The following GNB5 variants were observed in gnomAD, a reference collection of about 807,000 sequenced individuals.
GNB5 encodes the protein G protein subunit beta 5, also known as guanine nucleotide-binding protein subunit beta-5.
GNB5 carries 37 observed loss-of-function variants against 55.3 expected under a neutral mutation model. The ratio of observed to expected loss-of-function variants is 0.67; its 90% confidence interval spans 0.51 to 0.88. The LOEUF (loss-of-function observed/expected upper bound fraction) is 0.88. GNB5 is among the 40% of genes least tolerant of loss of function. The pLI is 0.00. For missense variants in GNB5, 476 were observed against 515.3 expected (o/e 0.92, Z 0.74); for synonymous variants, 219 against 198.5 (o/e 1.10, Z -0.87).
intron 3 of GNB5, among the ~76,000 whole-genome samples, chr15:52,178,220 G>A (rs1195320345): frequency 6.6e-6 from 1 of 152,180 alleles, no homozygotes; most frequent in African/African-American, 2.4e-5. Context: ...CACTTAGCAG[G>A]GGACCTTCGG....
At position 52,117,679 on chromosome 15, in the gene GNB5, G is replaced by C. The variant is rs1160739305; in HGVS notation, c.*5078C>G. On this transcript the variant is annotated 3_prime_UTR_variant, in exon 13 of 13. Coordinates refer to ENST00000261837, the MANE Select transcript of GNB5 (RefSeq NM_016194.4). ...AGGAGTCTGTGGTATGTCTGGAAGA[G>C]TGACCCAATTCTCTCCGGTCACGGA... 2.0e-5 allele frequency: 3 copies of C among 152,382 alleles called. No homozygotes were observed. Among genetic ancestry groups the C allele is most frequent in the Non-Finnish European group, 4.4e-5 (3 of 68,156 alleles). The allele number at this position is 152,382 out of a possible 1,614,324, so 9.4% of individuals were successfully genotyped here.
At chr15:52,187,708 G>A (rs2034865114) in intron 1 of GNB5, among the ~76,000 whole-genome samples, 1 of 152,170 alleles carries the variant, frequency 6.6e-6, no homozygotes, top group Non-Finnish European at 1.5e-5. Context: ...CAGCACTTTG[G>A]GAGGCCAAGG....
intron 3 of GNB5, among the ~76,000 whole-genome samples, chr15:52,167,441 G>A (rs1313549192): frequency 5.3e-5 from 8 of 152,074 alleles, no homozygotes; most frequent in African/African-American, 1.4e-4. Flanking sequence ...AGGCTGAGGC[G>A]GGTGGATCAC....
intron 4 of GNB5, among the ~76,000 whole-genome samples, chr15:52,153,487 A>C (rs1287454212): frequency 6.6e-6 from 1 of 152,214 alleles, no homozygotes; most frequent in Admixed American, 6.5e-5. Flanking sequence ...TAGATAACTA[A>C]TAAATAATAT....
rs527548623 is a variant in GNB5, at chr15:52,156,719, C to T, written c.239-2643G>A. Among the ~76,000 whole-genome samples the T allele has an allele frequency of 7.2e-5, 11 of 152,278 alleles. No individual in the cohort carries two copies. In the South Asian group the frequency reaches 1.0e-3, roughly 14 times the overall value. On this transcript the variant is annotated intron_variant, in intron 3 of 12. Coordinates refer to ENST00000261837, the MANE Select transcript of GNB5 (RefSeq NM_016194.4). ...TGAGATTGCGCCACTGCACTCCAGCCTGGGTGACAGAGCTAGATCTTGTCT... is the reference window on the plus strand; with the variant it reads ...TGAGATTGCGCCACTGCACTCCAGCTTGGGTGACAGAGCTAGATCTTGTCT...
At chr15:52,150,889 T>C (rs994326431) in intron 4 of GNB5, among the ~76,000 whole-genome samples, 2 of 152,200 alleles carry the variant, frequency 1.3e-5, no homozygotes, top group Non-Finnish European at 2.9e-5. Context: ...GCAGGCTCAA[T>C]TTTTTAATCA....
intron 7 of GNB5, chr15:52,139,638 T>C (rs1596067667): frequency 3.3e-6 from 1 of 298,842 alleles, no homozygotes; most frequent in African/African-American, 2.2e-5. Context: ...ATTCAAACGC[T>C]GTCTAGGATC....
intron 9 of GNB5, chr15:52,128,533 C>A: frequency 1.7e-6 from 1 of 601,626 alleles, no homozygotes. Flanking sequence ...AATCACATAT[C>A]TAATTCCTAA....
At chr15:52,154,209 A>C in intron 3 of GNB5, 133 bp from the exon 4 acceptor site, 1 of 697,506 alleles carries the variant, frequency 1.4e-6, no homozygotes, top group Non-Finnish European at 2.3e-6. Flanking sequence ...CCACAGCTTG[A>C]TTCTCTGATT....
chr15:52,124,294 C>G (rs1223181259), intron 12 of GNB5, among the ~76,000 whole-genome samples, 179 bp downstream of exon 12: 1 of 152,238 alleles, frequency 6.6e-6, no homozygotes, highest in Non-Finnish European at 1.5e-5. Flanking sequence ...ATGCAGCACT[C>G]GCTACCTCTC....
chr15:52,172,291 G>A (rs763013955), intron 3 of GNB5, among the ~76,000 whole-genome samples: 1 of 151,712 alleles, frequency 6.6e-6, no homozygotes, highest in Non-Finnish European at 1.5e-5. Context: ...ACACCATCAT[G>A]CCTGGCTAAT....
rs73402890 is a variant in GNB5 at position 52,147,364 on chromosome 15, C to T, written c.494+95G>A. On this transcript the variant is annotated intron_variant, in intron 6 of 12. Transcript: ENST00000261837. Reference sequence around the variant, plus strand: ...AGCATACTGCTAAACAATTAAACAACAAAAACTGTGAGTTCTTGTTTGTTT... The same window carrying T: ...AGCATACTGCTAAACAATTAAACAATAAAAACTGTGAGTTCTTGTTTGTTT... The T allele has an allele frequency of 6.2e-4, 498 of 799,180 alleles. 1 individual carries two copies. The African/African-American group carries it at 6.9e-3, about 11-fold the overall frequency. The allele number at this position is 799,180 out of a possible 1,614,324, so 49.5% of individuals were successfully genotyped here.
intron 9 of GNB5, among the ~76,000 whole-genome samples, chr15:52,130,296 C>T (rs1241557742): frequency 6.6e-6 from 1 of 152,156 alleles, no homozygotes; most frequent in Non-Finnish European, 1.5e-5. Flanking sequence ...ATAACCTCAG[C>T]CTTGGGTGGA....
intron 9 of GNB5, among the ~76,000 whole-genome samples, chr15:52,130,817 G>C (rs2033554445): frequency 6.6e-6 from 1 of 152,160 alleles, no homozygotes; most frequent in South Asian, 2.1e-4. Flanking sequence ...TCAGGTGAGA[G>C]AGTGTGCATT....
intron 11 of GNB5, 199 bp from the exon 12 acceptor site, chr15:52,124,838 T>C (rs1205906338): frequency 7.3e-6 from 4 of 550,722 alleles, no homozygotes; most frequent in African/African-American, 3.8e-5. Context: ...AAGGAACAGA[T>C]CACTGTAGCA....
At chr15:52,154,124 T>C in intron 3 of GNB5, 48 bp from the exon 4 acceptor site, 1 of 1,582,346 alleles carries the variant, frequency 6.3e-7, no homozygotes, top group Non-Finnish European at 8.6e-7. Context: ...GACCAGGTTC[T>C]GGGCTTTGGG....
At chr15:52,122,812 C>G in intron 12 of GNB5, 44 bp from the exon 13 acceptor site, 1 of 1,524,854 alleles carries the variant, frequency 6.6e-7, no homozygotes, top group South Asian at 1.1e-5. Context: ...TTGTAGTTAA[C>G]AACTTATAAA....
intron 3 of GNB5, among the ~76,000 whole-genome samples, chr15:52,161,683 G>A (rs1278164605): frequency 1.3e-5 from 2 of 152,236 alleles, no homozygotes; most frequent in Non-Finnish European, 2.9e-5. Context: ...CTGGGTCTTG[G>A]CTTGGCAGCC....
Position 52,115,742 on chromosome 15 carries a change from C to T in GNB5, c.*7015G>A, listed in dbSNP as rs961322760. The T allele has an allele frequency of 1.3e-5, 2 of 152,228 alleles. No homozygotes were observed. Among genetic ancestry groups the T allele is most frequent in the African/African-American group, 4.8e-5 (2 of 41,462 alleles). 9.4% of individuals were successfully genotyped at this position (152,228 alleles called of 1,614,324 possible). ...ATATACCAAAAAATTCACCCTCTTA[C>T]AGTCCAGTGGTTTTTAGTCTATTCA... On this transcript the variant is annotated 3_prime_UTR_variant, in exon 13 of 13. Coordinates refer to ENST00000261837, the MANE Select transcript of GNB5 (RefSeq NM_016194.4).
Sources: gnomAD v4.1 joint callset for allele counts (sites outside exome capture counted in the v4.1 genomes callset) on GRCh38, gnomAD v4.1.1 for gene constraint, MANE v1.5 for transcripts, NCBI Gene and HGNC (gene_info 2026-07-23, HGNC 2026-07-21) for gene names.